The following DPF3 variants were observed in gnomAD, a reference collection of about 807,000 sequenced individuals.
The protein encoded by DPF3 is double PHD fingers 3, also known as zinc finger protein DPF3.
In DPF3, 18 loss-of-function variants were observed where a neutral mutation model predicts 56.8. The ratio of observed to expected loss-of-function variants is 0.32; its 90% CI spans 0.22 to 0.47. The LOEUF is 0.47. Ranked by LOEUF, DPF3 falls within the 20% of genes least tolerant of loss-of-function variation. The probability of loss-of-function intolerance (pLI) is 1.00; values close to 1 mark genes in which losing one functional copy is unlikely to be tolerated. For synonymous variants in DPF3, 188 were observed against 180.2 expected, an observed-to-expected ratio of 1.04 and a Z score of -0.35; for missense variants, 403 against 488.8, an observed-to-expected ratio of 0.82 and a Z score of 1.65.
chr14:72,861,743 GAAAGAAAGAAAGAAAGAAAGAAAGAA>G (rs1885425158), intron 1 of DPF3, among the ~76,000 whole-genome samples: 1 of 114,022 alleles, frequency 8.8e-6, no homozygotes, highest in African/African-American at 3.5e-5. Context: ...GAAAGAGAAA[GAAAGAAAGAAAGAAAGAAAGAAAGAA>G]AGAAAGAAAG....
At chr14:72,814,929 T>A (rs1368453566) in intron 1 of DPF3, among the ~76,000 whole-genome samples, 1 of 152,142 alleles carries the variant, frequency 6.6e-6, no homozygotes, top group Non-Finnish European at 1.5e-5. Flanking sequence ...AAGCAAAAAT[T>A]TTCTTAAATA....
At chr14:72,650,182 G>T (rs990318104) in intron 8 of DPF3, among the ~76,000 whole-genome samples, 3 of 152,168 alleles carry the variant, frequency 2.0e-5, no homozygotes, top group Non-Finnish European at 2.9e-5. Context: ...GATGAGGGGG[G>T]ACTGCTCATT....
At chr14:72,814,916 G>T (rs1336081018) in intron 1 of DPF3, among the ~76,000 whole-genome samples, 1 of 152,028 alleles carries the variant, frequency 6.6e-6, no homozygotes, top group African/African-American at 2.4e-5. Flanking sequence ...CTAACCTTGG[G>T]TTAAGCAAAA....
chr14:72,629,580 G>C, intron 9 of DPF3, 44 bp downstream of exon 9: 1 of 1,497,540 alleles, frequency 6.7e-7, no homozygotes, highest in Non-Finnish European at 9.0e-7. Context: ...AAGGACCCCA[G>C]CTCTGTGGAT....
At position 72,709,377 on chromosome 14, in the gene DPF3, G is replaced by A. The variant is rs139481654; in HGVS notation, c.604+5046C>T. Among the ~76,000 whole-genome samples the A allele has an allele frequency of 3.1e-3, 469 of 152,260 alleles. 3 individuals are homozygous for A. Among genetic ancestry groups the A allele is most frequent in the African/African-American group, 0.01 (426 of 41,538 alleles). ...TTTGTCACTAATCTAGCCTAATGCC[G>A]TAGTTGGGGGGCAGTGATTTTAATA... On this transcript the variant is annotated intron_variant, in intron 6 of 10. Transcript: ENST00000556509.
chr14:72,625,160 G>A (rs562861106), intron 9 of DPF3, among the ~76,000 whole-genome samples: 16 of 152,170 alleles, frequency 1.1e-4, no homozygotes, highest in African/African-American at 3.1e-4. Context: ...TTGACAGTTC[G>A]TCCTTATAAC....
intron 8 of DPF3, among the ~76,000 whole-genome samples, chr14:72,654,326 T>C (rs1307546983): frequency 6.6e-6 from 1 of 152,160 alleles, no homozygotes; most frequent in Non-Finnish European, 1.5e-5. Context: ...TGCCTTCTAT[T>C]TGTCTACCCC....
chr14:72,684,652 C>T (rs571354454), intron 7 of DPF3, among the ~76,000 whole-genome samples: 1 of 151,644 alleles, frequency 6.6e-6, no homozygotes, highest in African/African-American at 2.4e-5. Flanking sequence ...AACTCATTTA[C>T]CAATTAAAGT....
chr14:72,671,018 C>G lies in DPF3; in HGVS notation c.871+3222G>C, dbSNP rs1311502717. The G allele has an allele frequency of 2.0e-6, 3 of 1,468,158 alleles. No homozygotes were observed. In the East Asian group the frequency reaches 7.6e-5, roughly 37 times the overall value. The allele number at this position is 1,468,158 out of a possible 1,614,324, so 90.9% of individuals were successfully genotyped here. A position where few individuals can be genotyped will look rare whatever the true frequency, so the allele number is the denominator to read the frequency against. ...ACGTGGGAGGTGAAGGGAAAAAAAGCAAGGATAGAGGGAAAATCTAAAGTT... is the reference window on the plus strand; with the variant it reads ...ACGTGGGAGGTGAAGGGAAAAAAAGGAAGGATAGAGGGAAAATCTAAAGTT... On this transcript the variant is annotated intron_variant, in intron 8 of 10. Transcript: ENST00000556509.
rs75738892 is a variant in DPF3, at chr14:72,628,624, T to C, written c.984+1000A>G. ...AAAGTGTACACCACCATCTATGAAG[T>C]AGTCTTGCCAAAAGAGAGAGAGAGA... On this transcript the variant is annotated intron_variant, in intron 9 of 10. Transcript: ENST00000556509. Among the ~76,000 whole-genome samples, 38 of 149,708 alleles carry C rather than the reference T, an allele frequency of 2.5e-4. No individual in the cohort carries two copies. The East Asian group carries it at 7.5e-3, about 30-fold the overall frequency.
At position 72,617,505 on chromosome 14, in the gene DPF3, T is replaced by A. The variant is rs1158001064; in HGVS notation, c.*1792A>T. Among the ~76,000 whole-genome samples the A allele has an allele frequency of 6.6e-6, 1 of 152,098 alleles. No individual in the cohort carries two copies. On this transcript the variant is annotated 3_prime_UTR_variant, in exon 11 of 11. Transcript: ENST00000556509. ...GGAAGGAAATTACTTATGAGGAAGA[T>A]GAAAATTCCATCCGGTCGGGGGCCC... is the stretch of plus-strand genomic sequence containing the variant.
intron 5 of DPF3, among the ~76,000 whole-genome samples, chr14:72,719,412 C>T (rs1283491815): frequency 1.3e-5 from 2 of 152,146 alleles, no homozygotes; most frequent in Admixed American, 6.5e-5. Context: ...GCTCCAGCAT[C>T]ACTTGGGAGC....
chr14:72,690,486 A>G (rs1242675338), intron 7 of DPF3, among the ~76,000 whole-genome samples: 2 of 151,976 alleles, frequency 1.3e-5, no homozygotes, highest in Admixed American at 1.3e-4. Context: ...ACACACACAC[A>G]CGCAGGTACA....
At chr14:72,786,530 G>C (rs1002470197) in intron 1 of DPF3, among the ~76,000 whole-genome samples, 1 of 152,178 alleles carries the variant, frequency 6.6e-6, no homozygotes, top group African/African-American at 2.4e-5. Context: ...TGACAGAGTC[G>C]AGTAGTTCCA....
intron 8 of DPF3, among the ~76,000 whole-genome samples, chr14:72,660,568 C>T (rs1361333793): frequency 1.3e-5 from 2 of 152,252 alleles, no homozygotes; most frequent in Non-Finnish European, 2.9e-5. Flanking sequence ...TGGGAGGCTA[C>T]ACCAACAGCA....
intron 1 of DPF3, among the ~76,000 whole-genome samples, chr14:72,879,652 T>A (rs942475417): frequency 3.3e-5 from 5 of 152,002 alleles, no homozygotes; most frequent in African/African-American, 1.2e-4. Flanking sequence ...TCAAACCGCC[T>A]GCCCAGAGGA....
At chr14:72,781,596 C>T (rs77519105) in intron 1 of DPF3, among the ~76,000 whole-genome samples, 19,871 of 152,040 alleles carry the variant, frequency 0.13, 1,600 homozygotes, top group South Asian at 0.21. Context: ...ATTTCTGAGC[C>T]GCCACTGGGT....
intron 8 of DPF3, chr14:72,670,989 G>C: frequency 7.1e-7 from 1 of 1,400,974 alleles, no homozygotes; most frequent in Non-Finnish European, 9.4e-7. Context: ...AGGGATGGAG[G>C]GACACGTGGG....
At chr14:72,879,803 C>A in intron 1 of DPF3, 1 of 1,535,204 alleles carries the variant, frequency 6.5e-7, no homozygotes, top group Non-Finnish European at 8.7e-7. Context: ...GAGGTTCTTA[C>A]CCTAGAGCCC....
Sources: allele counts gnomAD v4.1 joint callset (sites outside exome capture counted in the v4.1 genomes callset), GRCh38; gene constraint gnomAD v4.1.1; transcripts MANE v1.5; gene names NCBI Gene and HGNC (gene_info 2026-07-23, HGNC 2026-07-21).